Variants in CSMD3 observed in about 807,000 individuals in gnomAD.
CSMD3 encodes the protein CUB and Sushi multiple domains 3, also known as CUB and sushi domain-containing protein 3.
CSMD3 carries 177 observed loss-of-function variants against 435.2 expected under a neutral mutation model. That is an observed-to-expected ratio of 0.41 (90% CI 0.36 to 0.46). CSMD3 has a LOEUF of 0.46. Ranked by LOEUF, CSMD3 falls within the 20% of genes least tolerant of loss-of-function variation. The probability of loss-of-function intolerance (pLI) is 0.34; values close to 1 mark genes in which losing one functional copy is unlikely to be tolerated. For missense variants in CSMD3, 4,265 were observed against 4,504.6 expected (o/e 0.95, Z 1.52); for synonymous variants, 1,656 against 1,520.5 (o/e 1.09, Z -2.07).
chr8:112,485,808 A>G (rs1209031188), intron 31 of CSMD3, among the ~76,000 whole-genome samples: 1 of 152,084 alleles, frequency 6.6e-6, no homozygotes, highest in Admixed American at 6.6e-5. Flanking sequence ...AAAAGCTTGT[A>G]TCATTCCACA....
intron 47 of CSMD3, among the ~76,000 whole-genome samples, chr8:112,316,661 T>A (rs183792079): frequency 6.8e-4 from 104 of 151,918 alleles, no homozygotes; most frequent in African/African-American, 2.2e-3. Flanking sequence ...CTTTAAAAAC[T>A]GTGTATACTT....
intron 27 of CSMD3, among the ~76,000 whole-genome samples, chr8:112,529,676 G>T (rs556910332): frequency 9.9e-5 from 15 of 152,166 alleles, no homozygotes; most frequent in African/African-American, 3.6e-4. Context: ...CTCTGGCCAG[G>T]CTGGTTGATG....
At chr8:112,562,200 C>T (rs1828686302) in intron 24 of CSMD3, among the ~76,000 whole-genome samples, 1 of 151,646 alleles carries the variant, frequency 6.6e-6, no homozygotes, top group East Asian at 1.9e-4. Flanking sequence ...CATAATTTCT[C>T]TCAATTTGTT....
At chr8:113,205,362 G>A (rs375487184) in intron 3 of CSMD3, among the ~76,000 whole-genome samples, 1 of 152,136 alleles carries the variant, frequency 6.6e-6, no homozygotes, top group Admixed American at 6.6e-5. Flanking sequence ...TTATCCCCAT[G>A]ATGCAGTTAC....
At chr8:112,651,146 C>T (rs954612803) in intron 18 of CSMD3, among the ~76,000 whole-genome samples, 15 of 152,188 alleles carry the variant, frequency 9.9e-5, no homozygotes, top group Non-Finnish European at 2.2e-4. Flanking sequence ...TTGAGAACCA[C>T]TGGTACAAAC....
intron 2 of CSMD3, among the ~76,000 whole-genome samples, chr8:113,300,176 A>AC (rs201753726): frequency 0.12 from 17,364 of 149,548 alleles, 1,803 homozygotes; most frequent in African/African-American, 0.27. Flanking sequence ...AAAAAAAAAA[A>AC]AACAACAGAT....
intron 10 of CSMD3, among the ~76,000 whole-genome samples, chr8:112,899,611 A>ATATATATATATATATATATATG (rs1564081687): frequency 9.4e-6 from 1 of 106,514 alleles, no homozygotes; most frequent in Non-Finnish European, 2.0e-5. Context: ...ATATATATAT[A>ATATATATATATATATATATATG]TATATATATA....
intron 10 of CSMD3, among the ~76,000 whole-genome samples, chr8:112,871,149 G>T (rs2081124853): frequency 6.6e-6 from 1 of 152,114 alleles, no homozygotes; most frequent in African/African-American, 2.4e-5. Flanking sequence ...ATGCTTTAGG[G>T]ATGTGCTAAG....
intron 13 of CSMD3, among the ~76,000 whole-genome samples, chr8:112,755,149 GTGAAACCCTGTCTCTACTAAAAA>G (rs1337475145): frequency 2.0e-5 from 3 of 151,824 alleles, no homozygotes; most frequent in Non-Finnish European, 4.4e-5. Context: ...GGCTAACACG[GTGAAACCCTGTCTCTACTAAAAA>G]TACAAAAAAT....
intron 22 of CSMD3, among the ~76,000 whole-genome samples, chr8:112,607,085 A>T: frequency 6.6e-6 from 1 of 151,614 alleles, no homozygotes; most frequent in East Asian, 1.9e-4. Flanking sequence ...AAAGATCAAC[A>T]AACCAAGAGT....
At chr8:113,400,527 T>C (rs2094505119) in intron 1 of CSMD3, among the ~76,000 whole-genome samples, 1 of 151,982 alleles carries the variant, frequency 6.6e-6, no homozygotes, top group Non-Finnish European at 1.5e-5. Flanking sequence ...GCAGCCTGAG[T>C]GCTACAGACG....
chr8:113,265,316 G>C (rs1206568219), intron 3 of CSMD3, among the ~76,000 whole-genome samples: 2 of 151,388 alleles, frequency 1.3e-5, no homozygotes, highest in African/African-American at 4.8e-5. Flanking sequence ...AAAATAGCCT[G>C]GGTTAAGACT....
intron 12 of CSMD3, among the ~76,000 whole-genome samples, chr8:112,819,346 TG>T (rs2079466436): frequency 6.6e-6 from 1 of 152,162 alleles, no homozygotes; most frequent in Non-Finnish European, 1.5e-5. Flanking sequence ...AATTGGTCTC[TG>T]GGTCTGGCAG....
chr8:112,982,808 T>C (rs961719049), intron 6 of CSMD3, among the ~76,000 whole-genome samples: 9 of 152,010 alleles, frequency 5.9e-5, no homozygotes. Flanking sequence ...CTGAATAATA[T>C]AAAAGTTTTG....
At chr8:112,818,100 T>C (rs1456340517) in intron 12 of CSMD3, among the ~76,000 whole-genome samples, 1 of 151,980 alleles carries the variant, frequency 6.6e-6, no homozygotes, top group Non-Finnish European at 1.5e-5. Context: ...GAACTATTTT[T>C]TTATGGAATA....
intron 47 of CSMD3, among the ~76,000 whole-genome samples, 170 bp downstream of exon 47, chr8:112,318,667 A>C (rs1217655362): frequency 6.6e-6 from 1 of 152,114 alleles, no homozygotes; most frequent in Non-Finnish European, 1.5e-5. Context: ...TAAATCTGAT[A>C]AACAGTGGAC....
chr8:112,907,050 C>A (rs1167550806), intron 10 of CSMD3, among the ~76,000 whole-genome samples: 1 of 151,422 alleles, frequency 6.6e-6, no homozygotes, highest in Non-Finnish European at 1.5e-5. Flanking sequence ...GGAGAAACTA[C>A]TGGTTTTAAA....
chr8:112,277,154 T>C (rs187612357), intron 59 of CSMD3, among the ~76,000 whole-genome samples: 122 of 152,328 alleles, frequency 8.0e-4, no homozygotes, highest in African/African-American at 2.7e-3. Context: ...TACTATTGCA[T>C]TGCCAGGCTG....
At chr8:112,517,756 T>G (rs564959873) in intron 27 of CSMD3, among the ~76,000 whole-genome samples, 222 of 152,258 alleles carry the variant, frequency 1.5e-3, no homozygotes, top group Non-Finnish European at 2.8e-3. Context: ...AAAAAATATA[T>G]GATAACAATA....
Sources: allele counts gnomAD v4.1 joint callset (sites outside exome capture counted in the v4.1 genomes callset), GRCh38; gene constraint gnomAD v4.1.1; transcripts MANE v1.5; gene names NCBI Gene and HGNC (gene_info 2026-07-23, HGNC 2026-07-21).